The following PTPRD variants were observed in gnomAD, a reference collection of about 807,000 sequenced individuals.
PTPRD encodes receptor-type tyrosine-protein phosphatase delta.
PTPRD carries 34 observed loss-of-function variants against 214.5 expected under a neutral mutation model. That is an observed-to-expected ratio of 0.16 (90% CI 0.12 to 0.21). The LOEUF is 0.21. PTPRD is among the 10% of genes least tolerant of loss of function. PTPRD has a pLI of 1.00. For synonymous variants in PTPRD, 1,128 were observed against 845.7 expected, an observed-to-expected ratio of 1.33 and a Z score of -5.79; for missense variants, 2,545 against 2,398.7, an observed-to-expected ratio of 1.06 and a Z score of -1.27.
chr9:10,490,800 G>A (rs932123595), intron 2 of PTPRD, among the ~76,000 whole-genome samples: 1 of 152,012 alleles, frequency 6.6e-6, no homozygotes, highest in Non-Finnish European at 1.5e-5. Flanking sequence ...TGATCCTCCA[G>A]GGAACATTTA....
chr9:10,471,457 G>A (rs572726970), intron 2 of PTPRD, among the ~76,000 whole-genome samples: 64 of 152,132 alleles, frequency 4.2e-4, no homozygotes, highest in African/African-American at 1.4e-3. Flanking sequence ...TAGTTTAATT[G>A]TTTAGAGTAC....
intron 2 of PTPRD, among the ~76,000 whole-genome samples, chr9:10,608,757 G>A (rs186498738): frequency 1.7e-4 from 26 of 152,106 alleles, no homozygotes; most frequent in Admixed American, 5.9e-4. Flanking sequence ...TTCTCCTAAC[G>A]GGTAATGTTC....
At chr9:10,418,664 GTT>G (rs1362129000) in intron 2 of PTPRD, among the ~76,000 whole-genome samples, 5 of 151,596 alleles carry the variant, frequency 3.3e-5, no homozygotes, top group African/African-American at 1.2e-4. Flanking sequence ...ACATTGTTTT[GTT>G]CCCTGCTTTA....
At chr9:9,629,555 C>A (rs1049992239) in intron 7 of PTPRD, among the ~76,000 whole-genome samples, 11 of 152,036 alleles carry the variant, frequency 7.2e-5, no homozygotes, top group Admixed American at 6.6e-4. Context: ...CAAAATACTT[C>A]ACTTTAAAAT....
chr9:9,456,923 A>G (rs532268278), intron 8 of PTPRD, among the ~76,000 whole-genome samples: 1 of 151,702 alleles, frequency 6.6e-6, no homozygotes, highest in Non-Finnish European at 1.5e-5. Flanking sequence ...AGGAAAAAAC[A>G]AAGTAAAGAG....
At chr9:10,597,703 G>C (rs949876539) in intron 2 of PTPRD, among the ~76,000 whole-genome samples, 1 of 151,668 alleles carries the variant, frequency 6.6e-6, no homozygotes, top group African/African-American at 2.4e-5. Flanking sequence ...CCAGATTTAG[G>C]AATATCGGCT....
At chr9:9,239,265 T>G (rs2099969068) in intron 9 of PTPRD, among the ~76,000 whole-genome samples, 1 of 152,006 alleles carries the variant, frequency 6.6e-6, no homozygotes, top group Admixed American at 6.6e-5. Flanking sequence ...AGGCTTTTGG[T>G]TCATGTGATA....
chr9:9,532,887 A>G (rs2154265542), intron 8 of PTPRD, among the ~76,000 whole-genome samples: 1 of 152,158 alleles, frequency 6.6e-6, no homozygotes, highest in East Asian at 1.9e-4. Flanking sequence ...AACTACTGAA[A>G]CCTCTCTTAA....
At chr9:8,653,402 T>C (rs929634945) in intron 12 of PTPRD, among the ~76,000 whole-genome samples, 3 of 152,160 alleles carry the variant, frequency 2.0e-5, no homozygotes, top group Non-Finnish European at 2.9e-5. Context: ...AATATAGTCA[T>C]TATTTTTTTA....
chr9:9,647,361 T>C (rs1248831092), intron 7 of PTPRD, among the ~76,000 whole-genome samples: 1 of 142,662 alleles, frequency 7.0e-6, no homozygotes, highest in African/African-American at 2.4e-5. Flanking sequence ...ACTGGCTTTC[T>C]CCCAGGATAA....
chr9:9,215,850 T>C (rs2099951813), intron 9 of PTPRD, among the ~76,000 whole-genome samples: 1 of 152,150 alleles, frequency 6.6e-6, no homozygotes, highest in South Asian at 2.1e-4. Flanking sequence ...AGTAAAATAG[T>C]ACAGTATTTA....
chr9:9,599,380 A>G (rs1240818387), intron 7 of PTPRD, among the ~76,000 whole-genome samples: 1 of 152,034 alleles, frequency 6.6e-6, no homozygotes, highest in Non-Finnish European at 1.5e-5. Context: ...TACCAAGGCA[A>G]CCACTAAATC....
At chr9:9,935,831 T>TAC (rs2089129626) in intron 5 of PTPRD, among the ~76,000 whole-genome samples, 1 of 148,548 alleles carries the variant, frequency 6.7e-6, no homozygotes, top group South Asian at 2.1e-4. Context: ...CAAACTATAC[T>TAC]ACAAGGCTAC....
chr9:9,291,310 T>A (rs1333081900), intron 9 of PTPRD, among the ~76,000 whole-genome samples: 3 of 151,462 alleles, frequency 2.0e-5, no homozygotes, highest in Non-Finnish European at 4.4e-5. Context: ...TATAAGATGG[T>A]TCTTTTAAAC....
chr9:10,438,868 C>G (rs936639571), intron 2 of PTPRD, among the ~76,000 whole-genome samples: 1 of 151,650 alleles, frequency 6.6e-6, no homozygotes, highest in African/African-American at 2.4e-5. Flanking sequence ...TATTTCATGA[C>G]CATAGTTTCT....
intron 8 of PTPRD, among the ~76,000 whole-genome samples, chr9:9,485,414 C>A (rs1301047322): frequency 2.0e-5 from 3 of 152,102 alleles, no homozygotes; most frequent in Admixed American, 6.6e-5. Context: ...GAATATAGCA[C>A]CTCTACTTAT....
intron 8 of PTPRD, among the ~76,000 whole-genome samples, chr9:9,466,632 G>C (rs1271312448): frequency 2.6e-5 from 4 of 152,096 alleles, no homozygotes; most frequent in Non-Finnish European, 5.9e-5. Context: ...AATGTGTTTA[G>C]TAAGACTTAG....
chr9:8,755,961 A>G lies in PTPRD; in HGVS notation c.-103-22015T>C, dbSNP rs145547907. 9.9e-3 allele frequency among the ~76,000 whole-genome samples: 1,501 copies of G among 152,368 alleles called. 5 individuals are homozygous for G. The highest frequency in any genetic ancestry group is 0.018 in the Non-Finnish European group (1,212 of 68,032). On this transcript the variant is annotated intron_variant, in intron 11 of 45. Coordinates refer to ENST00000381196, the MANE Select transcript of PTPRD (RefSeq NM_002839.4). ...GTAAAGCATGATAATATGTGTTAAG[A>G]CCCAAATAAATGGTCTGAATGATAA... is the stretch of plus-strand genomic sequence containing the variant.
intron 4 of PTPRD, among the ~76,000 whole-genome samples, chr9:10,005,157 C>T (rs866528534): frequency 1.3e-5 from 2 of 151,798 alleles, no homozygotes; most frequent in Admixed American, 6.6e-5. Context: ...AACCTTTGGG[C>T]GATTATAATA....
Sources: gnomAD v4.1 joint callset for allele counts (sites outside exome capture counted in the v4.1 genomes callset) on GRCh38, gnomAD v4.1.1 for gene constraint, MANE v1.5 for transcripts, NCBI Gene and HGNC (gene_info 2026-07-23, HGNC 2026-07-21) for gene names.